The following PMFBP1 variants were observed in gnomAD, a reference collection of about 807,000 sequenced individuals.
PMFBP1 encodes the protein polyamine modulated factor 1 binding protein 1.
In PMFBP1, 131 loss-of-function variants were observed where a neutral mutation model predicts 137.8. That is an observed-to-expected ratio of 0.95 (90% CI 0.82 to 1.10). The LOEUF (loss-of-function observed/expected upper bound fraction) is 1.10. Ranked by LOEUF, PMFBP1 falls within the 50% of genes least tolerant of loss-of-function variation. The probability of loss-of-function intolerance (pLI) is 0.00; values close to 1 mark genes in which losing one functional copy is unlikely to be tolerated. For missense variants in PMFBP1, 1,199 were observed against 1,175.4 expected, an observed-to-expected ratio of 1.02 and a Z score of -0.29; for synonymous variants, 490 against 450.4, an observed-to-expected ratio of 1.09 and a Z score of -1.11.
At chr16:72,167,298 T>C (rs1181171340) in intron 2 of PMFBP1, among the ~76,000 whole-genome samples, 1 of 152,200 alleles carries the variant, frequency 6.6e-6, no homozygotes, top group Non-Finnish European at 1.5e-5. Flanking sequence ...CTGGACTTTT[T>C]TTTTTAACCA....
intron 3 of PMFBP1, among the ~76,000 whole-genome samples, chr16:72,155,254 G>A (rs1041089225): frequency 6.6e-6 from 1 of 152,094 alleles, no homozygotes; most frequent in East Asian, 1.9e-4. Context: ...ACAATGACAC[G>A]TGAGGTTAAG....
the PMFBP1 span, among the ~76,000 whole-genome samples, chr16:72,228,201 A>G: frequency 3.9e-5 from 6 of 152,134 alleles, no homozygotes; most frequent in African/African-American, 1.2e-4. Context: ...CGTCGTTGAC[A>G]TAGGCCCCTA....
intron 2 of PMFBP1, among the ~76,000 whole-genome samples, chr16:72,170,594 T>C (rs991999862): frequency 3.3e-5 from 5 of 152,076 alleles, no homozygotes; most frequent in African/African-American, 1.2e-4. Flanking sequence ...CACACCTGGC[T>C]AATTTTTTTT....
rs752009056 is a variant in PMFBP1, at chr16:72,136,726, C to T, written c.1012G>A (p.Ala338Thr). 1 of 1,614,068 alleles carries T rather than the reference C, an allele frequency of 6.2e-7. No homozygotes were observed. The highest frequency in any genetic ancestry group is 8.5e-7 in the Non-Finnish European group (1 of 1,180,056). The change falls in exon 8 of 21, where the codon GCC (alanine) becomes ACC (threonine). Residue 338 changes from alanine to threonine, a missense_variant. By Grantham distance (58) the Ala-to-Thr change is moderately conservative. Transcript: ENST00000237353. ...ATGTTTCTCTTCTGTTCCGACACGG[C>T]CTCTAGTTCCACGCGCAGATCCTTC... ...LVKDLRVELE[A>T]VSEQKRNIMK...
chr16:72,156,481 G>A (rs142979871), intron 3 of PMFBP1, among the ~76,000 whole-genome samples: 18,729 of 151,954 alleles, frequency 0.12, 1,615 homozygotes, highest in South Asian at 0.18. Context: ...TTAGCCAGGC[G>A]TGGTGGCGGG....
At chr16:72,221,068 G>A in the PMFBP1 span, among the ~76,000 whole-genome samples, 70 of 152,038 alleles carry the variant, frequency 4.6e-4, no homozygotes, top group Middle Eastern at 3.4e-3. Flanking sequence ...ATGTGATTGC[G>A]CTGAGAACAC....
At chr16:72,235,517 G>A in the PMFBP1 span, among the ~76,000 whole-genome samples, 1 of 132,306 alleles carries the variant, frequency 7.6e-6, no homozygotes, top group African/African-American at 2.8e-5. Context: ...TTGCATTTCT[G>A]TATGCATATT....
At chr16:72,249,920 CAAAAAA>C in the PMFBP1 span, among the ~76,000 whole-genome samples, 2 of 30,108 alleles carry the variant, frequency 6.6e-5, no homozygotes, top group South Asian at 1.9e-3. Flanking sequence ...GACTCCATCG[CAAAAAA>C]AAAAAAAAAA....
chr16:72,137,619 C>T (rs1048710094), intron 7 of PMFBP1, among the ~76,000 whole-genome samples: 2 of 152,058 alleles, frequency 1.3e-5, no homozygotes, highest in African/African-American at 2.4e-5. Context: ...TGGCACGGAG[C>T]AGGCAATGGG....
chr16:72,164,655 A>G, intron 3 of PMFBP1, 109 bp downstream of exon 3: 1 of 1,385,432 alleles, frequency 7.2e-7, no homozygotes, highest in Non-Finnish European at 9.9e-7. Context: ...TGCTTGCTTA[A>G]TAAGTACTCC....
At chr16:72,132,450 G>A (rs554055117) in intron 10 of PMFBP1, among the ~76,000 whole-genome samples, 1 of 152,230 alleles carries the variant, frequency 6.6e-6, no homozygotes, top group Non-Finnish European at 1.5e-5. Flanking sequence ...GGATTGTGGT[G>A]CAAAGGACAG....
At chr16:72,149,694 G>T (rs143070771) in intron 5 of PMFBP1, among the ~76,000 whole-genome samples, 1 of 152,040 alleles carries the variant, frequency 6.6e-6, no homozygotes, top group Non-Finnish European at 1.5e-5. Context: ...ATGGTGGCGC[G>T]TGACTGTAGT....
At chr16:72,161,921 C>T (rs2043068193) in intron 3 of PMFBP1, among the ~76,000 whole-genome samples, 1 of 152,112 alleles carries the variant, frequency 6.6e-6, no homozygotes, top group African/African-American at 2.4e-5. Flanking sequence ...TACTTTTATC[C>T]ACAGGAATCA....
intron 2 of PMFBP1, among the ~76,000 whole-genome samples, chr16:72,169,822 A>G (rs966770514): frequency 6.6e-6 from 1 of 152,168 alleles, no homozygotes; most frequent in Non-Finnish European, 1.5e-5. Context: ...GGCTTTCTTA[A>G]GGTTGTTGCA....
chr16:72,156,592 C>T lies in PMFBP1; in HGVS notation c.166-2133G>A, dbSNP rs990969654. Among the ~76,000 whole-genome samples, 17 of 151,804 alleles carry T rather than the reference C, an allele frequency of 1.1e-4. 1 individual carries two copies. The highest frequency in any genetic ancestry group is 3.9e-4 in the East Asian group (2 of 5,086). Reference sequence around the variant, plus strand: ...CTGAGATCGTGCCACTGCACTCCAGCCTGAGCGACAGAGTGAGACTCTGTC... The same window carrying T: ...CTGAGATCGTGCCACTGCACTCCAGTCTGAGCGACAGAGTGAGACTCTGTC... On this transcript the variant is annotated intron_variant, in intron 3 of 20. Coordinates refer to ENST00000237353, the MANE Select transcript of PMFBP1 (RefSeq NM_031293.3).
chr16:72,125,359 G>A lies in PMFBP1; in HGVS notation c.2300C>T (p.Thr767Ile), dbSNP rs571094699. 6.2e-7 allele frequency: 1 copy of A among 1,613,884 alleles called. No individual in the cohort carries two copies. Among genetic ancestry groups the A allele is most frequent in the East Asian group, 2.2e-5 (1 of 44,874 alleles). ...CTGAGCTTTCTTCTCTTGGGTCTGT[G>A]TCAAGCTTTGCTGCAGGCTCTTTGT... Reference protein sequence around the residue: ...SETKSLQQSLTQTQEKKAQLE... With the variant: ...SETKSLQQSLIQTQEKKAQLE... The change falls in exon 16 of 21, where the codon ACA becomes ATA. Residue 767 changes from threonine to isoleucine, a missense_variant. By Grantham distance (89) the Thr-to-Ile change is moderately conservative (BLOSUM62 -1). Transcript: ENST00000237353.
chr16:72,157,641 T>C (rs1273418388), intron 3 of PMFBP1, among the ~76,000 whole-genome samples: 2 of 152,138 alleles, frequency 1.3e-5, no homozygotes, highest in East Asian at 3.8e-4. Context: ...AGACTTTAAC[T>C]TCTTTTGGGG....
chr16:72,150,781 C>A lies in PMFBP1; in HGVS notation c.463G>T (p.Glu155Ter), dbSNP rs749201016. The A allele has an allele frequency of 1.9e-6, 3 of 1,614,132 alleles. No homozygotes were observed. The highest frequency in any genetic ancestry group is 3.3e-5 in the Admixed American group (2 of 60,020). ...TGCTCCTGCGCCAAATGGAGCTTCT[C>A]CCCTGTGTTCTCGTTGTGATTTCCC... ...EMGNHNENTG[E>*]KLHLAQEQLA... The change falls in exon 5 of 21, where the codon GAG (glutamate) becomes TAG (stop). Residue 155 changes from glutamate to a stop codon, truncating the protein, a stop_gained. Coordinates refer to ENST00000237353, the MANE Select transcript of PMFBP1 (RefSeq NM_031293.3). LOFTEE classifies it high-confidence loss of function.
At chr16:72,146,733 GACAA>G (rs1284143022) in intron 5 of PMFBP1, among the ~76,000 whole-genome samples, 4 of 152,112 alleles carry the variant, frequency 2.6e-5, no homozygotes, top group African/African-American at 4.8e-5. Flanking sequence ...ATCATTAACA[GACAA>G]ACAGAGAGCC....
Sources: allele counts gnomAD v4.1 joint callset (sites outside exome capture counted in the v4.1 genomes callset), GRCh38; gene constraint gnomAD v4.1.1; transcripts MANE v1.5; gene names NCBI Gene and HGNC (gene_info 2026-07-23, HGNC 2026-07-21).